Variants in SLIT2 observed in about 807,000 individuals in gnomAD.
SLIT2 encodes slit homolog 2 protein.
Under a neutral mutation model 185.7 loss-of-function variants are expected in SLIT2, and 41 were observed. The observed-to-expected ratio is 0.22, with a 90% CI of 0.17 to 0.29. The LOEUF is 0.29. SLIT2 is among the 10% of genes least tolerant of loss of function. SLIT2 has a pLI of 1.00. For synonymous variants in SLIT2, 693 were observed against 680.2 expected, an observed-to-expected ratio of 1.02 and a Z score of -0.29; for missense variants, 1,571 against 1,909.0, an observed-to-expected ratio of 0.82 and a Z score of 3.30.
intron 26 of SLIT2, among the ~76,000 whole-genome samples, chr4:20,565,318 C>T (rs934274583): frequency 1.3e-5 from 2 of 151,964 alleles, no homozygotes; most frequent in Non-Finnish European, 2.9e-5. Context: ...CGTTCTTCAC[C>T]GTTCCATCCT....
At chr4:20,519,086 G>C (rs137998706) in intron 11 of SLIT2, among the ~76,000 whole-genome samples, 12 of 152,126 alleles carry the variant, frequency 7.9e-5, no homozygotes, top group African/African-American at 2.7e-4. Context: ...ATGCGTGTGA[G>C]TAGAAAAACA....
chr4:20,306,757 A>G (rs1002794674), intron 4 of SLIT2, among the ~76,000 whole-genome samples: 2 of 151,716 alleles, frequency 1.3e-5, no homozygotes, highest in Non-Finnish European at 2.9e-5. Flanking sequence ...TATATCCATG[A>G]CTCCAAGTTA....
At chr4:20,294,202 G>C (rs1386461986) in intron 4 of SLIT2, among the ~76,000 whole-genome samples, 4 of 151,908 alleles carry the variant, frequency 2.6e-5, no homozygotes, top group Non-Finnish European at 1.5e-5. Context: ...GCAAAAATTA[G>C]CTGGGCATGG....
intron 12 of SLIT2, among the ~76,000 whole-genome samples, chr4:20,522,134 C>T (rs1443720886): frequency 6.6e-6 from 1 of 152,066 alleles, no homozygotes; most frequent in African/African-American, 2.4e-5. Flanking sequence ...ACCAAAGGGA[C>T]CTTTTCACCT....
chr4:20,255,162 C>A (rs1188799178), intron 1 of SLIT2: 4 of 403,600 alleles, frequency 9.9e-6, no homozygotes, highest in Non-Finnish European at 2.0e-5. Context: ...CGTCTGGATT[C>A]GTCCCGCGGC....
chr4:20,259,024 C>T (rs987243648), intron 3 of SLIT2, among the ~76,000 whole-genome samples: 1 of 151,572 alleles, frequency 6.6e-6, no homozygotes, highest in Non-Finnish European at 1.5e-5. Context: ...ATTTTTATCA[C>T]CTCAAGTAAA....
At chr4:20,287,209 C>T (rs1385333891) in intron 4 of SLIT2, among the ~76,000 whole-genome samples, 1 of 152,144 alleles carries the variant, frequency 6.6e-6, no homozygotes, top group Non-Finnish European at 1.5e-5. Context: ...GATATTTCTT[C>T]TGCCTTCTTC....
rs558999052 is a variant in SLIT2 at position 20,356,367 on chromosome 4, C to A, written c.395+87486C>A. Among the ~76,000 whole-genome samples, 300 of 151,996 alleles carry A rather than the reference C, an allele frequency of 2.0e-3. 11 individuals carry two copies. Among genetic ancestry groups the A allele is most frequent in the Admixed American group, 5.9e-4 (9 of 15,240 alleles). On this transcript the variant is annotated intron_variant, in intron 4 of 36. Transcript: ENST00000504154. ...TCAACTTTTAATTTTAGTGTGTTTC[C>A]ATTTTCAAACTAAGACAGGTGCAAA...
intron 4 of SLIT2, among the ~76,000 whole-genome samples, chr4:20,319,085 G>A (rs1270208577): frequency 6.6e-6 from 1 of 151,992 alleles, no homozygotes; most frequent in Non-Finnish European, 1.5e-5. Flanking sequence ...CACAGTAGGG[G>A]GTAGATGTAA....
At chr4:20,394,709 C>G (rs1313559742) in intron 4 of SLIT2, 2 of 152,106 alleles carry the variant, frequency 1.3e-5, no homozygotes, top group Non-Finnish European at 2.9e-5. Context: ...GCACGCTGCA[C>G]TGTGCATTTA....
chr4:20,523,422 T>G (rs758840183), intron 12 of SLIT2, among the ~76,000 whole-genome samples: 6 of 152,214 alleles, frequency 3.9e-5, no homozygotes, highest in Non-Finnish European at 7.3e-5. Context: ...TAATGATGTC[T>G]TAGAGCATTT....
At chr4:20,555,843 A>G (rs1015100797) in intron 26 of SLIT2, among the ~76,000 whole-genome samples, 2 of 151,918 alleles carry the variant, frequency 1.3e-5, no homozygotes, top group East Asian at 1.9e-4. Context: ...CCCTTAATAT[A>G]TTGCATTGTT....
At chr4:20,520,033 C>CAAAAA (rs34644308) in intron 12 of SLIT2, among the ~76,000 whole-genome samples, 19 of 68,358 alleles carry the variant, frequency 2.8e-4, no homozygotes, top group Non-Finnish European at 3.4e-4. Context: ...GACTCCGTCT[C>CAAAAA]AAAAAAAAAA....
In SLIT2 at chr4:20,293,738, G is replaced by A. The variant is rs939240676; in HGVS notation, c.395+24857G>A. Among the ~76,000 whole-genome samples the A allele has an allele frequency of 2.0e-5, 3 of 152,046 alleles. 1 individual carries two copies. The highest frequency in any genetic ancestry group is 1.5e-5 in the Non-Finnish European group (1 of 68,012). On this transcript the variant is annotated intron_variant, in intron 4 of 36. Transcript: ENST00000504154. The stretch of plus-strand genomic sequence containing the variant: ...AGAAGGATAATACACCTCCCATGCT[G>A]GAAACTACCTTAGAAACTTAGGTGA...
intron 4 of SLIT2, among the ~76,000 whole-genome samples, chr4:20,349,786 CTGGGCTGG>C: frequency 6.6e-6 from 1 of 152,260 alleles, no homozygotes; most frequent in East Asian, 1.9e-4. Flanking sequence ...GATAAGAGAT[CTGGGCTGG>C]TGAGGCATCT....
chr4:20,385,975 C>A (rs1724905498), intron 4 of SLIT2, among the ~76,000 whole-genome samples: 1 of 152,110 alleles, frequency 6.6e-6, no homozygotes, highest in African/African-American at 2.4e-5. Flanking sequence ...TATAACTTAT[C>A]TAGAAACTAC....
chr4:20,370,338 G>T (rs2109315298), intron 4 of SLIT2, among the ~76,000 whole-genome samples: 1 of 152,124 alleles, frequency 6.6e-6, no homozygotes, highest in African/African-American at 2.4e-5. Context: ...TTGTCTTTCT[G>T]GTCTACTAAT....
chr4:20,349,119 A>G (rs2109257180), intron 4 of SLIT2, among the ~76,000 whole-genome samples: 1 of 152,264 alleles, frequency 6.6e-6, no homozygotes, highest in South Asian at 2.1e-4. Flanking sequence ...TACATATAGG[A>G]ATTCGGTGTG....
intron 4 of SLIT2, among the ~76,000 whole-genome samples, chr4:20,299,320 G>A (rs1473043528): frequency 6.6e-6 from 1 of 152,036 alleles, no homozygotes; most frequent in Non-Finnish European, 1.5e-5. Context: ...ATATCAACAA[G>A]GATCAAAACA....
Sources: allele counts gnomAD v4.1 joint callset (sites outside exome capture counted in the v4.1 genomes callset), GRCh38; gene constraint gnomAD v4.1.1; transcripts MANE v1.5; gene names NCBI Gene and HGNC (gene_info 2026-07-23, HGNC 2026-07-21).